The following GALNT13 variants were observed in gnomAD, a reference collection of about 807,000 sequenced individuals.
GALNT13 encodes polypeptide N-acetylgalactosaminyltransferase 13.
A neutral mutation model predicts 64.2 loss-of-function variants in GALNT13; 28 were observed. The observed-to-expected ratio is 0.44, with a 90% CI of 0.32 to 0.60. The LOEUF (loss-of-function observed/expected upper bound fraction) is 0.60. Ranked by LOEUF, GALNT13 falls within the 20% of genes least tolerant of loss-of-function variation. GALNT13 has a pLI of 0.05. For missense variants in GALNT13, 577 were observed against 669.8 expected (o/e 0.86, Z 1.53); for synonymous variants, 214 against 224.6 (o/e 0.95, Z 0.42).
chr2:154,071,693 C>T (rs1700748327), intron 3 of GALNT13, among the ~76,000 whole-genome samples: 1 of 151,980 alleles, frequency 6.6e-6, no homozygotes, highest in Non-Finnish European at 1.5e-5. Flanking sequence ...TTGTTCAAAC[C>T]ACATATTCCA....
chr2:153,186,970 G>C, the GALNT13 span, among the ~76,000 whole-genome samples: 3 of 152,114 alleles, frequency 2.0e-5, no homozygotes, highest in African/African-American at 7.2e-5. Context: ...AATTCCCTAA[G>C]TATTTGCTTG....
the GALNT13 span, among the ~76,000 whole-genome samples, chr2:153,207,677 A>G: frequency 3.3e-5 from 5 of 152,182 alleles, no homozygotes; most frequent in Non-Finnish European, 7.4e-5. Flanking sequence ...GTTTACAAGT[A>G]TCCCTCCGTG....
chr2:153,964,157 A>G (rs907847155), intron 3 of GALNT13, among the ~76,000 whole-genome samples: 1 of 152,194 alleles, frequency 6.6e-6, no homozygotes, highest in South Asian at 2.1e-4. Context: ...AAATAAGAAC[A>G]GCATTTTTGG....
chr2:153,208,971 G>GTT, the GALNT13 span, among the ~76,000 whole-genome samples: 2 of 42,940 alleles, frequency 4.7e-5, no homozygotes, highest in African/African-American at 1.9e-4. Flanking sequence ...TTTGGTTTTG[G>GTT]TCTTTTTTTT....
intron 9 of GALNT13, among the ~76,000 whole-genome samples, chr2:154,307,595 T>C (rs896236823): frequency 6.8e-6 from 1 of 147,702 alleles, no homozygotes; most frequent in African/African-American, 2.4e-5. Context: ...TTTGAAATAG[T>C]GTTCAAGAAT....
the GALNT13 span, among the ~76,000 whole-genome samples, chr2:153,641,972 T>C: frequency 1.7e-3 from 252 of 152,136 alleles, 1 homozygote; most frequent in Admixed American, 4.8e-3. Flanking sequence ...TTCAAGAATT[T>C]AGCATTTTGC....
chr2:153,886,605 G>A (rs1266539488), intron 1 of GALNT13, among the ~76,000 whole-genome samples: 2 of 152,004 alleles, frequency 1.3e-5, no homozygotes, highest in Admixed American at 6.6e-5. Flanking sequence ...CATGGACAAA[G>A]GAAGAGGCAC....
chr2:153,071,642 T>G, the GALNT13 span, among the ~76,000 whole-genome samples: 1 of 152,194 alleles, frequency 6.6e-6, no homozygotes, highest in Non-Finnish European at 1.5e-5. Context: ...CCGACAGAAA[T>G]TGGCTAATGT....
At chr2:154,456,475 A>C (rs1702034077), downstream of GALNT13, among the ~76,000 whole-genome samples, 1 of 152,054 alleles carries the variant, frequency 6.6e-6, no homozygotes, top group African/African-American at 2.4e-5. Flanking sequence ...AACATTTCAA[A>C]TAGATAAACA....
At chr2:153,882,635 T>A (rs1686859113) in intron 1 of GALNT13, among the ~76,000 whole-genome samples, 1 of 151,814 alleles carries the variant, frequency 6.6e-6, no homozygotes, top group African/African-American at 2.4e-5. Context: ...TCTTTACTTT[T>A]TTTTTTTTTT....
intron 4 of GALNT13, among the ~76,000 whole-genome samples, chr2:154,233,037 C>CAAAAAAAAAAAAAAAAAAAA (rs375484057): frequency 3.2e-4 from 19 of 58,946 alleles, no homozygotes; most frequent in East Asian, 5.1e-4. Context: ...GACCCTGTCT[C>CAAAAAAAAAAAAAAAAAAAA]AAAAAAAAAA....
the GALNT13 span, among the ~76,000 whole-genome samples, chr2:153,682,067 C>T: frequency 6.6e-6 from 1 of 151,666 alleles, no homozygotes; most frequent in Non-Finnish European, 1.5e-5. Context: ...AATGTCGTGG[C>T]ATATACTGTA....
intron 2 of GALNT13, among the ~76,000 whole-genome samples, chr2:153,912,076 A>G (rs1174201643): frequency 2.6e-5 from 4 of 151,860 alleles, no homozygotes; most frequent in Non-Finnish European, 5.9e-5. Flanking sequence ...ATAATCCCAT[A>G]TTTCTCTGAG....
the GALNT13 span, among the ~76,000 whole-genome samples, chr2:153,742,374 TC>T: frequency 6.6e-6 from 1 of 152,186 alleles, no homozygotes; most frequent in South Asian, 2.1e-4. Context: ...TACCACATTT[TC>T]TTTTTAGAAA....
At chr2:153,540,467 A>G in the GALNT13 span, among the ~76,000 whole-genome samples, 1 of 152,228 alleles carries the variant, frequency 6.6e-6, no homozygotes. Flanking sequence ...GCTCCCACAC[A>G]GAGTCCCCAC....
At chr2:154,132,945 A>G (rs1221079513) in intron 3 of GALNT13, among the ~76,000 whole-genome samples, 1 of 151,886 alleles carries the variant, frequency 6.6e-6, no homozygotes, top group Non-Finnish European at 1.5e-5. Context: ...ACAAATCTAT[A>G]TATGTTTTAG....
Position 154,444,486 on chromosome 2 carries a change from A to T in GALNT13, c.1530+5760A>T, listed in dbSNP as rs1022762809. On this transcript the variant is annotated intron_variant, in intron 12 of 12. Transcript: ENST00000392825. ...GCAGCAACATGTAATATTGGTGAAG[A>T]TGCAGTGAGACTGACACCCATAAAG... Among the ~76,000 whole-genome samples the T allele has an allele frequency of 3.9e-5, 6 of 152,152 alleles. No individual in the cohort carries two copies. In the South Asian group the frequency reaches 6.2e-4, roughly 16 times the overall value.
In GALNT13 at chr2:154,372,630, G is replaced by C. The variant is rs115817318; in HGVS notation, c.1157-23361G>C. ...TGTCTTTTATTAAGAAATTTCTTAGGAAGTGAGGTAAAATATAAACACACA... is the reference window on the plus strand; with the variant it reads ...TGTCTTTTATTAAGAAATTTCTTAGCAAGTGAGGTAAAATATAAACACACA... On this transcript the variant is annotated intron_variant, in intron 9 of 12. Coordinates refer to ENST00000392825, the MANE Select transcript of GALNT13 (RefSeq NM_052917.4). 7.7e-3 allele frequency among the ~76,000 whole-genome samples: 1,171 copies of C among 152,116 alleles called. 13 individuals carry two copies. The highest frequency in any genetic ancestry group is 0.024 in the African/African-American group (1,005 of 41,504).
chr2:154,024,282 C>T (rs1697766012), intron 3 of GALNT13, among the ~76,000 whole-genome samples: 1 of 152,184 alleles, frequency 6.6e-6, no homozygotes, highest in Non-Finnish European at 1.5e-5. Flanking sequence ...TAATATCCTG[C>T]AGAGTGTTTT....
Sources: allele counts gnomAD v4.1 joint callset (sites outside exome capture counted in the v4.1 genomes callset), GRCh38; gene constraint gnomAD v4.1.1; transcripts MANE v1.5; gene names NCBI Gene and HGNC (gene_info 2026-07-23, HGNC 2026-07-21).